The following CDH3 variants were observed in gnomAD, a reference collection of about 807,000 sequenced individuals.
The protein encoded by CDH3 is cadherin 3, also known as cadherin-3.
CDH3 carries 54 observed loss-of-function variants against 82.0 expected under a neutral mutation model. That is an observed-to-expected ratio of 0.66 (90% CI 0.53 to 0.83). The LOEUF is 0.83. CDH3 is among the 40% of genes least tolerant of loss of function. CDH3 has a pLI of 0.00. For missense variants in CDH3, 1,054 were observed against 1,084.6 expected (o/e 0.97, Z 0.40); for synonymous variants, 446 against 437.9 (o/e 1.02, Z -0.23).
Position 68,695,859 on chromosome 16 carries a change from T to G in CDH3, c.2216T>G (p.Ile739Ser). 6.2e-7 allele frequency: 1 copy of G among 1,614,016 alleles called. No homozygotes were observed. The highest frequency in any genetic ancestry group is 8.5e-7 in the Non-Finnish European group (1 of 1,179,990). Residue 739 changes from isoleucine to serine, a missense_variant, in exon 15 of 16, where the codon ATC (isoleucine) becomes AGC (serine). Coordinates refer to ENST00000264012, the MANE Select transcript of CDH3 (RefSeq NM_001793.6). Reference sequence around the variant, plus strand: ...CGCAATGACGTGGCACCAACCATCATCCCGACACCCATGTACCGTCCTCGG... The same window carrying G: ...CGCAATGACGTGGCACCAACCATCAGCCCGACACCCATGTACCGTCCTCGG... ...VLRNDVAPTI[I>S]PTPMYRPRPA...
At position 68,698,720 on chromosome 16, in the gene CDH3, C is replaced by T. The variant is rs1440134249; in HGVS notation, c.*320C>T. The T allele has an allele frequency of 1.1e-5, 4 of 348,712 alleles. No homozygotes were observed. Among genetic ancestry groups the T allele is most frequent in the Non-Finnish European group, 2.1e-5 (4 of 190,594 alleles). The allele number at this position is 348,712 out of a possible 1,614,324, so 21.6% of individuals were successfully genotyped here. On this transcript the variant is annotated 3_prime_UTR_variant, in exon 16 of 16. Coordinates refer to ENST00000264012, the MANE Select transcript of CDH3 (RefSeq NM_001793.6). Reference sequence around the variant, plus strand: ...TGGGCCTGGGCCTGCTGTGACTGACCTACAGTGGACTTTCTCTCTGGAATG... The same window carrying T: ...TGGGCCTGGGCCTGCTGTGACTGACTTACAGTGGACTTTCTCTCTGGAATG...
chr16:68,688,050 C>T (rs941897877), intron 12 of CDH3, among the ~76,000 whole-genome samples: 3 of 151,298 alleles, frequency 2.0e-5, no homozygotes, highest in African/African-American at 7.3e-5. Flanking sequence ...GTGTTGGCTA[C>T]GATCACTGTG....
At chr16:68,692,194 G>A (rs1434418696) in intron 13 of CDH3, among the ~76,000 whole-genome samples, 2 of 152,120 alleles carry the variant, frequency 1.3e-5, no homozygotes, top group African/African-American at 4.8e-5. Context: ...GGGCCACCAC[G>A]CCCAGCTCAT....
intron 7 of CDH3, among the ~76,000 whole-genome samples, 183 bp from the exon 8 acceptor site, chr16:68,680,785 C>G (rs1193679285): frequency 6.6e-6 from 1 of 152,220 alleles, no homozygotes; most frequent in Non-Finnish European, 1.5e-5. Flanking sequence ...CGTTCCCTCT[C>G]CAACAGCATC....
At chr16:68,688,703 T>C (rs903334186) in intron 12 of CDH3, among the ~76,000 whole-genome samples, 6 of 152,172 alleles carry the variant, frequency 3.9e-5, no homozygotes, top group Admixed American at 1.3e-4. Context: ...CTCAGCTCAC[T>C]GCAACCTCCG....
At chr16:68,689,788 C>T (rs915964999) in intron 12 of CDH3, among the ~76,000 whole-genome samples, 5 of 150,178 alleles carry the variant, frequency 3.3e-5, no homozygotes, top group African/African-American at 1.2e-4. Flanking sequence ...AGCGAGAGTG[C>T]AGAGCATTTT....
intron 11 of CDH3, among the ~76,000 whole-genome samples, chr16:68,685,700 C>T (rs139645732): frequency 1.1e-3 from 173 of 152,164 alleles, no homozygotes; most frequent in Middle Eastern, 3.4e-3. Flanking sequence ...CCAGCTACTC[C>T]GGACGCAGAG....
At chr16:68,704,935 C>T (rs1370194593), downstream of CDH3, among the ~76,000 whole-genome samples, 4 of 152,116 alleles carry the variant, frequency 2.6e-5, no homozygotes, top group Admixed American at 1.3e-4. Context: ...TGGTGACACA[C>T]ACCTGTGGTC....
intron 9 of CDH3, 45 bp downstream of exon 9, chr16:68,682,532 C>A (rs781600766): frequency 1.3e-6 from 2 of 1,579,530 alleles, no homozygotes; most frequent in South Asian, 1.1e-5. Flanking sequence ...CTGGGGCAGT[C>A]AGGTCTGCAG....
intron 12 of CDH3, among the ~76,000 whole-genome samples, chr16:68,691,011 CT>C (rs561915097): frequency 0.23 from 31,790 of 137,330 alleles, 3,412 homozygotes; most frequent in Admixed American, 0.27. Context: ...CCTTTACTTT[CT>C]TTTTTTTTTT....
chr16:68,720,234 C>T (rs1215955211), intron 1 of CDH3, among the ~76,000 whole-genome samples: 2 of 150,856 alleles, frequency 1.3e-5, no homozygotes, highest in Admixed American at 1.3e-4. Flanking sequence ...TTACCATATG[C>T]AAACTAATTT....
chr16:68,648,870 C>CT (rs576685337), intron 2 of CDH3, among the ~76,000 whole-genome samples: 1,741 of 138,436 alleles, frequency 0.013, 41 homozygotes, highest in African/African-American at 0.042. Flanking sequence ...AGTGCTTAGT[C>CT]TTTTTTTTTT....
intron 13 of CDH3, 136 bp downstream of exon 13, chr16:68,692,062 G>T: frequency 1.5e-6 from 1 of 659,340 alleles, no homozygotes; most frequent in Middle Eastern, 4.2e-4. Context: ...TTTAAGACAG[G>T]GTCTCACTCT....
chr16:68,721,937 A>G (rs575366996), intron 1 of CDH3, among the ~76,000 whole-genome samples: 1 of 152,004 alleles, frequency 6.6e-6, no homozygotes, highest in Non-Finnish European at 1.5e-5. Flanking sequence ...TAAAAATACA[A>G]AAGTTAGCTG....
intron 3 of CDH3, 41 bp downstream of exon 3, chr16:68,676,511 T>C: frequency 6.7e-7 from 1 of 1,488,346 alleles, no homozygotes; most frequent in Non-Finnish European, 9.4e-7. Flanking sequence ...AGAAAGATGT[T>C]CTCTGTGCAT....
intron 1 of CDH3, 38 bp from the exon 2 acceptor site, chr16:68,645,598 T>C (rs1394184442): frequency 2.1e-5 from 32 of 1,512,180 alleles, no homozygotes; most frequent in East Asian, 9.8e-5. Context: ...CGGGCACGCC[T>C]GGACCCAGCC....
At chr16:68,712,725 AGGCT>A (rs1338974888) in intron 1 of CDH3, among the ~76,000 whole-genome samples, 2 of 151,616 alleles carry the variant, frequency 1.3e-5, no homozygotes, top group Non-Finnish European at 2.9e-5. Context: ...TCTGTCACCC[AGGCT>A]GGAGTGCAGT....
chr16:68,688,276 C>T (rs557279586), intron 12 of CDH3, among the ~76,000 whole-genome samples: 5 of 151,878 alleles, frequency 3.3e-5, no homozygotes, highest in Non-Finnish European at 7.4e-5. Context: ...CCACCACACC[C>T]GGCTGCGTTA....
At chr16:68,682,251 G>A (rs1459245922) in intron 8 of CDH3, 51 bp from the exon 9 acceptor site, 2 of 1,582,416 alleles carry the variant, frequency 1.3e-6, no homozygotes, top group African/African-American at 1.3e-5. Context: ...AGCCTCTGGA[G>A]TAGGACAGTC....
Sources: allele counts gnomAD v4.1 joint callset (sites outside exome capture counted in the v4.1 genomes callset), GRCh38; gene constraint gnomAD v4.1.1; transcripts MANE v1.5; gene names NCBI Gene and HGNC (gene_info 2026-07-23, HGNC 2026-07-21).